AMZ1: variants seen among roughly 807,000 people sequenced by gnomAD.
The protein encoded by AMZ1 is archaelysin family metallopeptidase 1, also known as archaemetzincin-1.
A neutral mutation model predicts 29.9 loss-of-function variants in AMZ1; 39 were observed. The observed-to-expected ratio is 1.30, with a 90% CI of 1.01 to 1.70. The LOEUF (loss-of-function observed/expected upper bound fraction) is 1.70. Ranked by LOEUF, AMZ1 falls within the 40% of genes most tolerant of loss-of-function variation. The pLI is 0.00. For synonymous variants in AMZ1, 458 were observed against 304.0 expected (o/e 1.51, Z -5.27); for missense variants, 1,041 against 680.6 (o/e 1.53, Z -5.89).
rs1236862408 is a variant in AMZ1 at position 2,737,276 on chromosome 7, T to TTTGTTTTG, written n.551-27434_551-27433insGTTTTGTT. 4.6e-3 allele frequency among the ~76,000 whole-genome samples: 243 copies of TTTGTTTTG among 53,324 alleles called. 5 individuals are homozygous for TTTGTTTTG. The highest frequency in any genetic ancestry group is 0.015 in the African/African-American group (228 of 15,364). 35.0% of individuals were successfully genotyped at this position (53,324 alleles called of 152,430 possible). On this transcript the variant is annotated intron_variant and non_coding_transcript_variant, in intron 4 of 4. Coordinates refer to the AMZ1 transcript ENST00000489665. ...GAGCTATCTCACAGTTTTGTTTTGT[T>TTTGTTTTG]TTTTTTTTTTTTGTTTTTTTTTTTT... is the stretch of plus-strand genomic sequence containing the variant.
chr7:2,750,648 G>T (rs906146311), intron 4 of AMZ1, among the ~76,000 whole-genome samples: 8 of 152,330 alleles, frequency 5.3e-5, no homozygotes, highest in South Asian at 4.1e-4. Flanking sequence ...TTTGGACCAC[G>T]GTTGACTGCG....
At chr7:2,739,210 T>C (rs1174109756) in intron 4 of AMZ1, among the ~76,000 whole-genome samples, 7 of 152,214 alleles carry the variant, frequency 4.6e-5, no homozygotes, top group Non-Finnish European at 7.3e-5. Flanking sequence ...CATTTTGACA[T>C]GAACCATTCA....
upstream of AMZ1, among the ~76,000 whole-genome samples, chr7:2,760,176 G>C (rs1791490855): frequency 6.6e-6 from 1 of 152,220 alleles, no homozygotes; most frequent in Non-Finnish European, 1.5e-5. Flanking sequence ...GCCCGCCTCT[G>C]CCTGGGGAAG....
At chr7:2,683,805 G>C (rs1212086167), upstream of AMZ1, among the ~76,000 whole-genome samples, 1 of 151,974 alleles carries the variant, frequency 6.6e-6, no homozygotes, top group African/African-American at 2.4e-5. Context: ...GGGCTCAAGT[G>C]ATCCTCCCAC....
chr7:2,708,834 C>T (rs1008903045), intron 4 of AMZ1, 118 bp downstream of exon 4: 6 of 1,498,834 alleles, frequency 4.0e-6, no homozygotes, highest in East Asian at 4.6e-5. Context: ...TGGAAGTCAA[C>T]ACCTGTGCAT....
intron 1 of AMZ1, chr7:2,764,956 T>C (rs1791742938): frequency 1.3e-5 from 2 of 152,238 alleles, no homozygotes; most frequent in South Asian, 4.1e-4. Flanking sequence ...CAACTGCATT[T>C]TGTACGGTGG....
At chr7:2,740,636 A>T (rs1252274435) in intron 4 of AMZ1, among the ~76,000 whole-genome samples, 2 of 152,212 alleles carry the variant, frequency 1.3e-5, no homozygotes, top group Non-Finnish European at 2.9e-5. Context: ...AAAGATGGTG[A>T]AATGTAAACA....
At chr7:2,738,881 G>C (rs1790349553) in intron 4 of AMZ1, among the ~76,000 whole-genome samples, 1 of 152,162 alleles carries the variant, frequency 6.6e-6, no homozygotes, top group Non-Finnish European at 1.5e-5. Context: ...CAGAGGAGCT[G>C]GCCCCTGACT....
chr7:2,691,814 A>G (rs891987901), intron 1 of AMZ1, among the ~76,000 whole-genome samples: 2 of 151,342 alleles, frequency 1.3e-5, no homozygotes, highest in African/African-American at 4.9e-5. Context: ...GGGCTGGTCC[A>G]GGGTGCCCGC....
At chr7:2,696,457 C>G (rs1415450212) in intron 1 of AMZ1, among the ~76,000 whole-genome samples, 4 of 149,516 alleles carry the variant, frequency 2.7e-5, no homozygotes, top group African/African-American at 7.4e-5. Context: ...CGGGGTTTCA[C>G]CATGTTAGCC....
chr7:2,724,451 G>C (rs764649103), downstream of AMZ1, among the ~76,000 whole-genome samples: 2 of 152,334 alleles, frequency 1.3e-5, no homozygotes, highest in East Asian at 3.9e-4. Flanking sequence ...TGACAGGCCT[G>C]GAACAAGAGC....
At chr7:2,723,340 C>T (rs572818836), downstream of AMZ1, among the ~76,000 whole-genome samples, 10 of 152,262 alleles carry the variant, frequency 6.6e-5, no homozygotes, top group African/African-American at 2.2e-4. Context: ...CCTGGGTGAG[C>T]GGGAGAGCCA....
chr7:2,701,150 G>C (rs1325083121), intron 2 of AMZ1, among the ~76,000 whole-genome samples: 4 of 152,156 alleles, frequency 2.6e-5, no homozygotes, highest in African/African-American at 9.7e-5. Context: ...AGAATCGCTT[G>C]AACCTGGGAG....
chr7:2,706,094 A>T (rs1356111656), intron 3 of AMZ1, among the ~76,000 whole-genome samples: 1 of 152,206 alleles, frequency 6.6e-6, no homozygotes, highest in Non-Finnish European at 1.5e-5. Flanking sequence ...CCTCGGGAAA[A>T]GGACATGCAC....
intron 1 of AMZ1, among the ~76,000 whole-genome samples, chr7:2,695,781 C>A (rs1376493522): frequency 2.0e-5 from 3 of 152,034 alleles, no homozygotes; most frequent in South Asian, 4.1e-4. Flanking sequence ...GAGGCCAAGG[C>A]AGGTAGATCA....
intron 4 of AMZ1, among the ~76,000 whole-genome samples, chr7:2,751,908 C>G (rs928531098): frequency 1.3e-5 from 2 of 152,178 alleles, no homozygotes; most frequent in African/African-American, 2.4e-5. Context: ...CCTAGATGAC[C>G]TCACTATCAA....
chr7:2,709,737 G>A lies in AMZ1; in HGVS notation c.869G>A (p.Arg290Gln), dbSNP rs200004410. The change falls in exon 6 of 7, where the codon CGG (arginine) becomes CAG (glutamine). Residue 290 changes from arginine to glutamine, a missense_variant. Transcript: ENST00000683327. ...QGALSLDEAL[R>Q]RPLDLCPICL... is the part of the protein sequence containing the mutation. ...GCGCTCAGCCTGGACGAGGCCCTGCGGCGGCCCCTGGACCTCTGTCCCATC... is the reference window on the plus strand; with the variant it reads ...GCGCTCAGCCTGGACGAGGCCCTGCAGCGGCCCCTGGACCTCTGTCCCATC... 2.5e-4 allele frequency: 406 copies of A among 1,611,446 alleles called. No individual in the cohort carries two copies. The highest frequency in any genetic ancestry group is 2.0e-4 in the Middle Eastern group (1 of 4,904).
At position 2,715,648 on chromosome 7, in the gene AMZ1, T is replaced by C. The variant is rs1242137208; in HGVS notation, c.*2770T>C. 3.9e-5 allele frequency: 6 copies of C among 152,162 alleles called. No homozygotes were observed. The highest frequency in any genetic ancestry group is 5.9e-5 in the Non-Finnish European group (4 of 68,030). 9.4% of individuals were successfully genotyped at this position (152,162 alleles called of 1,614,324 possible). A position where few individuals can be genotyped will look rare whatever the true frequency, so the allele number is the denominator to read the frequency against. On this transcript the variant is annotated 3_prime_UTR_variant, in exon 7 of 7. Transcript: ENST00000683327. ...CAGTGAAATTTTTTAAGACAGCTGTTAGAAGGACTGTTTTGAAATGCAACT... is the reference window on the plus strand; with the variant it reads ...CAGTGAAATTTTTTAAGACAGCTGTCAGAAGGACTGTTTTGAAATGCAACT...
At chr7:2,758,592 T>C (rs1484344232) in intron 4 of AMZ1, among the ~76,000 whole-genome samples, 1 of 152,086 alleles carries the variant, frequency 6.6e-6, no homozygotes, top group African/African-American at 2.4e-5. Flanking sequence ...GGGCCTGATC[T>C]AATCAGGGGA....
Sources: gnomAD v4.1 joint callset for allele counts (sites outside exome capture counted in the v4.1 genomes callset) on GRCh38, gnomAD v4.1.1 for gene constraint, MANE v1.5 for transcripts, NCBI Gene and HGNC (gene_info 2026-07-23, HGNC 2026-07-21) for gene names.